PCDHA7: variants seen among roughly 807,000 people sequenced by gnomAD.
PCDHA7 encodes the protein protocadherin alpha-7.
A neutral mutation model predicts 57.2 loss-of-function variants in PCDHA7; 37 were observed. That is an observed-to-expected ratio of 0.65 (90% CI 0.50 to 0.85). PCDHA7 has a LOEUF of 0.85. Ranked by LOEUF, PCDHA7 falls within the 40% of genes least tolerant of loss-of-function variation. PCDHA7 has a pLI of 0.00. For missense variants in PCDHA7, 1,188 were observed against 1,241.8 expected, an observed-to-expected ratio of 0.96 and a Z score of 0.65; for synonymous variants, 553 against 558.8, an observed-to-expected ratio of 0.99 and a Z score of 0.15.
At chr5:140,984,826 T>C (rs1554246543) in intron 3 of PCDHA7, among the ~76,000 whole-genome samples, 4 of 152,188 alleles carry the variant, frequency 2.6e-5, no homozygotes, top group African/African-American at 9.6e-5. Context: ...TTAATTACCC[T>C]TTCTGTAAAT....
chr5:140,923,963 A>G (rs1172303229), intron 1 of PCDHA7, among the ~76,000 whole-genome samples: 1 of 152,188 alleles, frequency 6.6e-6, no homozygotes, highest in African/African-American at 2.4e-5. Context: ...CCTAATCTAT[A>G]CCCACACATA....
chr5:140,984,426 G>A (rs781888913), intron 3 of PCDHA7, among the ~76,000 whole-genome samples: 2 of 152,160 alleles, frequency 1.3e-5, no homozygotes, highest in South Asian at 2.1e-4. Flanking sequence ...AGATAGAGAA[G>A]GGGATCTCCC....
chr5:140,888,606 G>A (rs2061900283), intron 1 of PCDHA7, among the ~76,000 whole-genome samples: 2 of 152,180 alleles, frequency 1.3e-5, no homozygotes, highest in African/African-American at 4.8e-5. Context: ...GCAGCTTTTA[G>A]TGTAGCACTA....
rs57893927 is a variant in PCDHA7 at position 140,946,631 on chromosome 5, T to TATATATATATATATATATATATATATAC, written c.2356-32317_2356-32316insTATATATATATATATATATATATATACA. On this transcript the variant is annotated intron_variant, in intron 1 of 3. Transcript: ENST00000525929. ...TGTGAAATATATATATATATATATA[T>TATATATATATATATATATATATATATAC]ACAATGGAATACTCATCAGCCATTA... Among the ~76,000 whole-genome samples the TATATATATATATATATATATATATATAC allele has an allele frequency of 2.1e-3, 277 of 131,730 alleles. 14 individuals carry two copies. Among genetic ancestry groups the TATATATATATATATATATATATATATAC allele is most frequent in the African/African-American group, 7.7e-3 (221 of 28,616 alleles). The allele number at this position is 131,730 out of a possible 152,430, so 86.4% of individuals were successfully genotyped here.
At chr5:140,876,531 T>G in intron 1 of PCDHA7, 1 of 1,614,200 alleles carries the variant, frequency 6.2e-7, no homozygotes, top group South Asian at 1.1e-5. Flanking sequence ...TAATGGTTAC[T>G]TCACTGTCGC....
intron 1 of PCDHA7, among the ~76,000 whole-genome samples, chr5:140,838,286 T>A (rs1216853722): frequency 2.0e-5 from 3 of 149,522 alleles, no homozygotes; most frequent in Admixed American, 6.7e-5. Flanking sequence ...GCTAATTTTT[T>A]TTTTTTTTTG....
intron 1 of PCDHA7, chr5:140,849,341 C>G: frequency 7.1e-7 from 1 of 1,407,916 alleles, no homozygotes; most frequent in African/African-American, 1.6e-5. Flanking sequence ...ACTCCTTCTC[C>G]AGTGATGTTT....
chr5:140,941,259 T>TTC (rs1340815463), intron 1 of PCDHA7, among the ~76,000 whole-genome samples: 28 of 121,830 alleles, frequency 2.3e-4, no homozygotes, highest in East Asian at 1.1e-3. Flanking sequence ...TTCTTTCTCT[T>TTC]TCTTTCTTTC....
rs1777075612 is a variant in PCDHA7 at position 140,841,185 on chromosome 5, G to A, written c.2355+4447G>A. The A allele has an allele frequency of 5.9e-6, 7 of 1,192,098 alleles. No homozygotes were observed. In the Admixed American group the frequency reaches 1.3e-4, roughly 22 times the overall value. The allele number at this position is 1,192,098 out of a possible 1,614,324, so 73.8% of individuals were successfully genotyped here. A position where few individuals can be genotyped will look rare whatever the true frequency, so the allele number is the denominator to read the frequency against. Reference sequence around the variant, plus strand: ...AAGTTCTGGTTGGTCAATGTTCAAAGTCTTTTCTCTGACAGCATCTGTCTC... The same window carrying A: ...AAGTTCTGGTTGGTCAATGTTCAAAATCTTTTCTCTGACAGCATCTGTCTC... On this transcript the variant is annotated intron_variant, in intron 1 of 3. Coordinates refer to ENST00000525929, the MANE Select transcript of PCDHA7 (RefSeq NM_018910.3).
In PCDHA7 at chr5:141,009,726, C is replaced by A. The variant is rs373683237; in HGVS notation, c.2603C>A (p.Pro868His). Residue 868 changes from proline to histidine, a missense_variant, in exon 4 of 4, where the codon CCC (proline) becomes CAC (histidine). By Grantham distance (77) the Pro-to-His change is moderately conservative (BLOSUM62 -2). Coordinates refer to ENST00000525929, the MANE Select transcript of PCDHA7 (RefSeq NM_018910.3). ...YGPGNPKQSGPGELPDKFIIP... is the reference protein window; with the variant it reads ...YGPGNPKQSGHGELPDKFIIP... The stretch of plus-strand genomic sequence containing the variant: ...CCAGGCAACCCCAAACAATCCGGTC[C>A]CGGTGAGTTGCCCGACAAATTCATT... 85 of 1,614,016 alleles carry A rather than the reference C, an allele frequency of 5.3e-5. No individual in the cohort carries two copies. Among genetic ancestry groups the A allele is most frequent in the Non-Finnish European group, 4.4e-5 (52 of 1,180,032 alleles).
intron 1 of PCDHA7, chr5:140,968,123 C>A: frequency 6.2e-7 from 1 of 1,614,178 alleles, no homozygotes; most frequent in Non-Finnish European, 8.5e-7. Context: ...CACATCCCTG[C>A]GTACACTGAA....
intron 1 of PCDHA7, among the ~76,000 whole-genome samples, chr5:140,924,871 G>C: frequency 6.7e-6 from 1 of 149,164 alleles, no homozygotes; most frequent in Non-Finnish European, 1.5e-5. Flanking sequence ...CTCCAGCCTG[G>C]GTGACAGAGC....
intron 3 of PCDHA7, among the ~76,000 whole-genome samples, chr5:141,003,906 T>C (rs2153979379): frequency 6.6e-6 from 1 of 152,260 alleles, no homozygotes; most frequent in South Asian, 2.1e-4. Context: ...TTCATTTGGG[T>C]CTTGACTGCA....
intron 1 of PCDHA7, among the ~76,000 whole-genome samples, chr5:140,898,608 T>G (rs1208473607): frequency 7.2e-5 from 11 of 152,362 alleles, no homozygotes; most frequent in African/African-American, 2.6e-4. Flanking sequence ...TAGTATAGTT[T>G]GAAGTCAGGT....
At chr5:140,901,329 T>A (rs180738358) in intron 1 of PCDHA7, among the ~76,000 whole-genome samples, 102 of 152,302 alleles carry the variant, frequency 6.7e-4, no homozygotes, top group Admixed American at 1.2e-3. Context: ...TTTCTTGTAG[T>A]CGTTTTATAG....
intron 1 of PCDHA7, chr5:140,883,536 T>C (rs1178559999): frequency 8.7e-6 from 14 of 1,614,202 alleles, no homozygotes; most frequent in Non-Finnish European, 1.2e-5. Flanking sequence ...GCCTATGAAC[T>C]GGTGGTGACC....
chr5:140,969,408 T>C (rs2096327357), intron 1 of PCDHA7: 6 of 1,573,824 alleles, frequency 3.8e-6, no homozygotes, highest in Non-Finnish European at 5.2e-6. Flanking sequence ...GATTTGGCTT[T>C]ATTGAGTCAT....
At chr5:140,990,792 T>C (rs1554251750) in intron 3 of PCDHA7, among the ~76,000 whole-genome samples, 2 of 152,176 alleles carry the variant, frequency 1.3e-5, no homozygotes, top group African/African-American at 4.8e-5. Flanking sequence ...CGATGAACCA[T>C]GGAATACAGA....
chr5:140,907,365 G>A (rs782137145), intron 1 of PCDHA7, among the ~76,000 whole-genome samples: 20 of 152,178 alleles, frequency 1.3e-4, no homozygotes, highest in African/African-American at 2.4e-4. Flanking sequence ...TTCTTTAGTC[G>A]TAAAGTGAGT....
Sources: gnomAD v4.1 joint callset for allele counts (sites outside exome capture counted in the v4.1 genomes callset) on GRCh38, gnomAD v4.1.1 for gene constraint, MANE v1.5 for transcripts, NCBI Gene and HGNC (gene_info 2026-07-23, HGNC 2026-07-21) for gene names.